Variants in RBMS3 observed in about 807,000 individuals in gnomAD.
The protein encoded by RBMS3 is RNA-binding motif, single-stranded-interacting protein 3.
A neutral mutation model predicts 66.8 loss-of-function variants in RBMS3; 27 were observed. That is an observed-to-expected ratio of 0.40 (90% CI 0.30 to 0.56). RBMS3 has a LOEUF of 0.56. Ranked by LOEUF, RBMS3 falls within the 20% of genes least tolerant of loss-of-function variation. The probability of loss-of-function intolerance (pLI) is 0.40; values close to 1 mark genes in which losing one functional copy is unlikely to be tolerated. For synonymous variants in RBMS3, 188 were observed against 183.0 expected, an observed-to-expected ratio of 1.03 and a Z score of -0.22; for missense variants, 513 against 549.5, an observed-to-expected ratio of 0.93 and a Z score of 0.66.
chr3:29,473,068 T>A (rs1310404430), intron 2 of RBMS3, among the ~76,000 whole-genome samples: 1 of 151,556 alleles, frequency 6.6e-6, no homozygotes, highest in South Asian at 2.1e-4. Context: ...AACCTTGAGC[T>A]AGGCACAGGG....
At chr3:29,710,528 T>C (rs535877761) in intron 4 of RBMS3, among the ~76,000 whole-genome samples, 99 of 152,174 alleles carry the variant, frequency 6.5e-4, no homozygotes, top group African/African-American at 2.3e-3. Flanking sequence ...GCATTCGGGG[T>C]CAGGCAGCCT....
chr3:29,339,115 G>A (rs552139841), intron 1 of RBMS3, among the ~76,000 whole-genome samples: 2 of 152,242 alleles, frequency 1.3e-5, no homozygotes, highest in South Asian at 4.1e-4. Context: ...ACAGGGCTGT[G>A]GAAAGGATGA....
rs1699889047 is a variant in RBMS3 at position 30,009,201 on chromosome 3, T to C, written c.*5339T>C. The C allele has an allele frequency of 6.6e-6, 1 of 152,108 alleles. No homozygotes were observed. The highest frequency in any genetic ancestry group is 6.6e-5 in the Admixed American group (1 of 15,266). 9.4% of individuals were successfully genotyped at this position (152,108 alleles called of 1,614,324 possible). On this transcript the variant is annotated 3_prime_UTR_variant, in exon 15 of 15. Coordinates refer to ENST00000383767, the MANE Select transcript of RBMS3 (RefSeq NM_001003793.3). ...ATTTCTAAATTGTGCATAAATACAA[T>C]CACTCTCAATTTTTGAAGGGCTAAT...
intron 14 of RBMS3, among the ~76,000 whole-genome samples, chr3:29,996,385 C>G (rs1699245381): frequency 6.7e-6 from 1 of 148,886 alleles, no homozygotes; most frequent in East Asian, 2.0e-4. Flanking sequence ...CAAGGATACC[C>G]AGGAATTGAA....
At chr3:29,340,585 A>G (rs771975152) in intron 1 of RBMS3, among the ~76,000 whole-genome samples, 25 of 152,294 alleles carry the variant, frequency 1.6e-4, no homozygotes, top group Admixed American at 2.6e-4. Context: ...GAGATTTGAC[A>G]AAATGCCACA....
At chr3:29,954,460 G>A (rs1695888798) in intron 12 of RBMS3, among the ~76,000 whole-genome samples, 1 of 152,006 alleles carries the variant, frequency 6.6e-6, no homozygotes, top group South Asian at 2.1e-4. Context: ...AAGCCAAGAT[G>A]TTTTAAGTGT....
rs147579624 is a variant in RBMS3, at chr3:30,005,781, T to C, written c.*1919T>C. ...TTTGAGGCATGTAGGACCAATAAGA[T>C]TGAGAATTCTATTGGTGGAATTTAG... On this transcript the variant is annotated 3_prime_UTR_variant, in exon 15 of 15. Coordinates refer to ENST00000383767, the MANE Select transcript of RBMS3 (RefSeq NM_001003793.3). The C allele has an allele frequency of 7.2e-4, 110 of 151,984 alleles. No homozygotes were observed. Among genetic ancestry groups the C allele is most frequent in the African/African-American group, 2.6e-3 (109 of 41,540 alleles). 9.4% of individuals were successfully genotyped at this position (151,984 alleles called of 1,614,324 possible).
At chr3:29,547,133 C>T (rs1237240881) in intron 3 of RBMS3, among the ~76,000 whole-genome samples, 2 of 152,008 alleles carry the variant, frequency 1.3e-5, no homozygotes, top group Non-Finnish European at 2.9e-5. Context: ...ATCACCATAC[C>T]TGGCTAATTT....
At chr3:29,440,766 G>GT (rs2125737957) in intron 2 of RBMS3, among the ~76,000 whole-genome samples, 1 of 152,316 alleles carries the variant, frequency 6.6e-6, no homozygotes, top group South Asian at 2.1e-4. Flanking sequence ...ACGCTGAATA[G>GT]TAAGAGCCAG....
chr3:29,298,969 C>G lies in RBMS3; in HGVS notation c.75+17213C>G, dbSNP rs190600238. On this transcript the variant is annotated intron_variant, in intron 1 of 14. Transcript: ENST00000383767. ...CAGGAGTTATAACACGATTCTTGCC[C>G]CTCAGAAGTTGATAATTTATTTGAG... 5.3e-5 allele frequency among the ~76,000 whole-genome samples: 8 copies of G among 151,782 alleles called. No homozygotes were observed. The South Asian group carries it at 1.7e-3, about 32-fold the overall frequency.
In RBMS3 at chr3:30,004,898, AACTT is replaced by A. The variant is rs1370641329; in HGVS notation, c.*1038_*1041del. The A allele has an allele frequency of 6.6e-6, 1 of 150,800 alleles. No homozygotes were observed. Among genetic ancestry groups the A allele is most frequent in the Non-Finnish European group, 1.5e-5 (1 of 67,480 alleles). 9.3% of individuals were successfully genotyped at this position (150,800 alleles called of 1,614,324 possible). Reference sequence around the variant, plus strand: ...CTAGCTTAAGAGCATTAAAAAAAAAAACTTAAGTAGATAGGAGCTTATGGTCAAA... The same window carrying A: ...CTAGCTTAAGAGCATTAAAAAAAAAAAAGTAGATAGGAGCTTATGGTCAAA... On this transcript the variant is annotated 3_prime_UTR_variant, in exon 15 of 15. Transcript: ENST00000383767.
At chr3:29,442,276 T>A (rs2041656235) in intron 2 of RBMS3, among the ~76,000 whole-genome samples, 1 of 152,166 alleles carries the variant, frequency 6.6e-6, no homozygotes, top group Non-Finnish European at 1.5e-5. Flanking sequence ...AATTTACATC[T>A]CCTAGTGTTT....
intron 14 of RBMS3, among the ~76,000 whole-genome samples, chr3:29,992,168 G>A (rs1698919021): frequency 6.6e-6 from 1 of 152,158 alleles, no homozygotes; most frequent in East Asian, 1.9e-4. Flanking sequence ...ACAGAGTGCT[G>A]CTCCGTTATT....
At chr3:29,647,249 G>A (rs1356492890) in intron 4 of RBMS3, among the ~76,000 whole-genome samples, 1 of 152,182 alleles carries the variant, frequency 6.6e-6, no homozygotes, top group Non-Finnish European at 1.5e-5. Context: ...AAAGTGCTGG[G>A]ATTACAGACG....
At chr3:29,423,295 A>G (rs1250399024) in intron 1 of RBMS3, among the ~76,000 whole-genome samples, 1 of 152,214 alleles carries the variant, frequency 6.6e-6, no homozygotes, top group Non-Finnish European at 1.5e-5. Context: ...TAGCAATTTT[A>G]CAATTTAGAT....
At chr3:29,884,469 TCCCCC>T (rs56911907) in intron 8 of RBMS3, among the ~76,000 whole-genome samples, 2 of 66,348 alleles carry the variant, frequency 3.0e-5, no homozygotes, top group African/African-American at 1.0e-4. Context: ...TCTCTCTCTC[TCCCCC>T]CCCGCTCCCT....
At chr3:29,444,788 C>CTGTTTTTTTTTTTTTTTTTTTT (rs2041758662) in intron 2 of RBMS3, among the ~76,000 whole-genome samples, 1 of 50,488 alleles carries the variant, frequency 2.0e-5, no homozygotes, top group African/African-American at 6.1e-5. Flanking sequence ...AAATATATGC[C>CTGTTTTTTTTTTTTTTTTTTTT]TTTTTTTTTT....
At chr3:29,661,385 A>G (rs1323382382) in intron 4 of RBMS3, among the ~76,000 whole-genome samples, 3 of 152,282 alleles carry the variant, frequency 2.0e-5, no homozygotes, top group East Asian at 3.9e-4. Context: ...TCAATATGCT[A>G]AAGAAAAGAC....
chr3:29,287,318 G>A (rs2032435986), intron 1 of RBMS3, among the ~76,000 whole-genome samples: 2 of 152,044 alleles, frequency 1.3e-5, no homozygotes, highest in African/African-American at 4.8e-5. Context: ...TTCCCATTGA[G>A]TACACATTCA....
Sources: gnomAD v4.1 joint callset for allele counts (sites outside exome capture counted in the v4.1 genomes callset) on GRCh38, gnomAD v4.1.1 for gene constraint, MANE v1.5 for transcripts, NCBI Gene and HGNC (gene_info 2026-07-23, HGNC 2026-07-21) for gene names.